THOP1: variants seen among roughly 807,000 people sequenced by gnomAD.
THOP1 encodes thimet oligopeptidase 1.
A neutral mutation model predicts 71.8 loss-of-function variants in THOP1; 49 were observed. That is an observed-to-expected ratio of 0.68 (90% CI 0.54 to 0.87). The LOEUF (loss-of-function observed/expected upper bound fraction) is 0.87, where lower values mean the gene tolerates loss of function less well. Ranked by LOEUF, THOP1 falls within the 40% of genes least tolerant of loss-of-function variation. The pLI is 0.00. For missense variants in THOP1, 843 were observed against 975.6 expected, an observed-to-expected ratio of 0.86 and a Z score of 1.81; for synonymous variants, 426 against 421.5, an observed-to-expected ratio of 1.01 and a Z score of -0.13.
chr19:2,796,183 C>T lies in THOP1; in HGVS notation c.481C>T (p.Gln161Ter). 6.2e-7 allele frequency: 1 copy of T among 1,612,304 alleles called. No individual in the cohort carries two copies. Among genetic ancestry groups the T allele is most frequent in the Non-Finnish European group, 8.5e-7 (1 of 1,179,142 alleles). ...TGGGCTTCACCTCCCCAGAGAGACT[C>T]AGGAAGTGAGTGCTGGGTGTAGGGA... ...RNGLHLPRET[Q>*]ENIKRIKKKL... The change falls in exon 4 of 13, where the codon CAG (glutamine) becomes TAG (stop). Residue 161 changes from glutamine (Q) to a stop codon, truncating the protein, a stop_gained. Coordinates refer to ENST00000307741, the MANE Select transcript of THOP1 (RefSeq NM_003249.5). LOFTEE classifies it high-confidence loss of function.
intron 11 of THOP1, among the ~76,000 whole-genome samples, 159 bp downstream of exon 11, chr19:2,810,927 G>A (rs1916447121): frequency 6.6e-6 from 1 of 152,372 alleles, no homozygotes; most frequent in Admixed American, 6.5e-5. Context: ...GACAGCCCCA[G>A]CTGAGATGCA....
chr19:2,810,054 C>T (rs757408065), intron 9 of THOP1: 53 of 558,494 alleles, frequency 9.5e-5, no homozygotes, highest in East Asian at 4.2e-4. Context: ...AGAGGAGAAG[C>T]GTGGGTGGCC....
At position 2,806,732 on chromosome 19, in the gene THOP1, C is replaced by T. The variant is rs1244897727; in HGVS notation, c.751-185C>T. ...GCACCCCTTCTGGTTCCAAAAAGGCCTTGGGATTATGATAACGCTGGTGGC... is the reference window on the plus strand; with the variant it reads ...GCACCCCTTCTGGTTCCAAAAAGGCTTTGGGATTATGATAACGCTGGTGGC... On this transcript the variant is annotated intron_variant, in intron 6 of 12. Coordinates refer to ENST00000307741, the MANE Select transcript of THOP1 (RefSeq NM_003249.5). 8.7e-6 allele frequency: 9 copies of T among 1,035,800 alleles called. No homozygotes were observed. The East Asian group carries it at 2.1e-4, about 24-fold the overall frequency. The allele number at this position is 1,035,800 out of a possible 1,614,324, so 64.2% of individuals were successfully genotyped here. A position where few individuals can be genotyped will look rare whatever the true frequency, so the allele number is the denominator to read the frequency against.
Position 2,807,019 on chromosome 19 carries a change from G to A in THOP1, c.853G>A (p.Ala285Thr), listed in dbSNP as rs1916309437. The A allele has an allele frequency of 6.2e-7, 1 of 1,611,740 alleles. No individual in the cohort carries two copies. The highest frequency in any genetic ancestry group is 8.5e-7 in the Non-Finnish European group (1 of 1,179,318). Residue 285 changes from alanine to threonine, a missense_variant, in exon 7 of 13, where the codon GCC becomes ACC. Transcript: ENST00000307741. ...HADYVLEMNM[A>T]KTSQTVATFL... Reference sequence around the variant, plus strand: ...CGACTATGTCCTGGAGATGAACATGGCCAAGACCAGCCAGACCGTGGCCAC... The same window carrying A: ...CGACTATGTCCTGGAGATGAACATGACCAAGACCAGCCAGACCGTGGCCAC...
chr19:2,795,728 G>A (rs572565464), intron 3 of THOP1, among the ~76,000 whole-genome samples: 4 of 152,254 alleles, frequency 2.6e-5, no homozygotes, highest in East Asian at 3.9e-4. Flanking sequence ...GGAAAGAATC[G>A]AATGCCTTTG....
chr19:2,797,034 A>G (rs1304445887), intron 4 of THOP1, among the ~76,000 whole-genome samples: 1 of 152,198 alleles, frequency 6.6e-6, no homozygotes, highest in Admixed American at 6.5e-5. Flanking sequence ...TGCGTGTCAC[A>G]GTTCCCAGGA....
Position 2,810,454 on chromosome 19 carries a change from C to T in THOP1, c.1606C>T (p.Leu536=). ...RTGSAVPREL[L]EKLIESRQAN... ...AGGCAGCGCCGTGCCCCGGGAGCTCCTGGAGAAGCTCATTGAGTCCCGGCA... is the reference window on the plus strand; with the variant it reads ...AGGCAGCGCCGTGCCCCGGGAGCTCTTGGAGAAGCTCATTGAGTCCCGGCA... The change falls in exon 10 of 13, where the codon CTG becomes TTG. Residue 536 remains leucine, a synonymous_variant. Transcript: ENST00000307741. 2.5e-6 allele frequency: 4 copies of T among 1,579,608 alleles called. No homozygotes were observed. The highest frequency in any genetic ancestry group is 2.6e-6 in the Non-Finnish European group (3 of 1,164,882).
Position 2,808,328 on chromosome 19 carries a change from G to T in THOP1, c.1339G>T (p.Ala447Ser). Residue 447 changes from alanine to serine, a missense_variant, in exon 9 of 13, where the codon GCC (alanine) becomes TCC (serine). By Grantham distance (99) the Ala-to-Ser change is moderately conservative. Coordinates refer to ENST00000307741, the MANE Select transcript of THOP1 (RefSeq NM_003249.5). The part of the protein sequence containing the change: ...QDGSRQIAIA[A>S]MVANFTKPTA... ...TGGGAGCCGCCAGATCGCCATCGCGGCCATGGTGGCCAACTTCACCAAGCC... is the reference window on the plus strand; with the variant it reads ...TGGGAGCCGCCAGATCGCCATCGCGTCCATGGTGGCCAACTTCACCAAGCC... 6.3e-7 allele frequency: 1 copy of T among 1,599,738 alleles called. No individual in the cohort carries two copies. Among genetic ancestry groups the T allele is most frequent in the South Asian group, 1.1e-5 (1 of 89,352 alleles).
In THOP1 at chr19:2,807,491, G is replaced by A. The variant is rs1916325575; in HGVS notation, c.936G>A (p.Val312=). The change falls in exon 8 of 13, where the codon GTG becomes GTA. Residue 312 remains valine, a synonymous_variant. Coordinates refer to ENST00000307741, the MANE Select transcript of THOP1 (RefSeq NM_003249.5). ...LKPLGEQERA[V]ILELKRAECE... is the part of the protein sequence containing the mutation. ...CCCTGGGGGAGCAGGAGCGTGCGGT[G>A]ATTCTGGAGCTGAAGCGTGCGGAGT... 1 of 1,610,054 alleles carries A rather than the reference G, an allele frequency of 6.2e-7. No individual in the cohort carries two copies. The highest frequency in any genetic ancestry group is 8.5e-7 in the Non-Finnish European group (1 of 1,178,852).
At chr19:2,808,105 TC>T in intron 8 of THOP1, 137 bp from the exon 9 acceptor site, 1 of 1,046,402 alleles carries the variant, frequency 9.6e-7, no homozygotes, top group South Asian at 1.5e-5. Flanking sequence ...CCAAGCCACC[TC>T]TGCTGAGAGG....
At chr19:2,807,974 A>G in intron 8 of THOP1, 166 bp downstream of exon 8, 2 of 881,652 alleles carry the variant, frequency 2.3e-6, no homozygotes, top group East Asian at 2.9e-5. Flanking sequence ...CCGAAAATGC[A>G]GCTGTCCCCG....
chr19:2,809,128 A>G (rs973843375), intron 9 of THOP1, among the ~76,000 whole-genome samples: 4 of 152,208 alleles, frequency 2.6e-5, no homozygotes, highest in Non-Finnish European at 5.9e-5. Flanking sequence ...CTGTCCCTCC[A>G]AGGGGACCCT....
chr19:2,803,085 G>A (rs1916195951), intron 5 of THOP1, among the ~76,000 whole-genome samples: 1 of 152,184 alleles, frequency 6.6e-6, no homozygotes, highest in African/African-American at 2.4e-5. Context: ...TGTTGGACAT[G>A]TGATGTCGCA....
At chr19:2,807,261 C>T (rs1052969569) in intron 7 of THOP1, among the ~76,000 whole-genome samples, 181 bp from the exon 8 acceptor site, 18 of 152,190 alleles carry the variant, frequency 1.2e-4, no homozygotes, top group African/African-American at 4.1e-4. Context: ...ATGCTTGCAC[C>T]CGGCCCCGCC....
chr19:2,794,817 C>T lies in THOP1; in HGVS notation c.283C>T (p.Arg95Trp), dbSNP rs764098478. Residue 95 changes from arginine (R) to tryptophan (W), a missense_variant, in exon 3 of 13, where the codon CGG becomes TGG. Coordinates refer to ENST00000307741, the MANE Select transcript of THOP1 (RefSeq NM_003249.5). ...PQHVSPSKDI[R>W]TASTEADKKL... ...GCATGTTTCCCCCTCCAAGGACATC[C>T]GGACAGCCAGCACAGAGGCCGACAA... The T allele has an allele frequency of 1.5e-5, 24 of 1,613,982 alleles. No individual in the cohort carries two copies. Among genetic ancestry groups the T allele is most frequent in the Admixed American group, 1.7e-5 (1 of 60,016 alleles).
chr19:2,800,756 T>C (rs967422890), intron 5 of THOP1, among the ~76,000 whole-genome samples: 18 of 152,076 alleles, frequency 1.2e-4, no homozygotes, highest in African/African-American at 3.4e-4. Context: ...GACGACGGGC[T>C]ACAATCTGCC....
intron 7 of THOP1, 133 bp from the exon 8 acceptor site, chr19:2,807,309 G>A (rs1025788431): frequency 1.7e-5 from 23 of 1,390,382 alleles, no homozygotes; most frequent in South Asian, 3.0e-5. Context: ...TCGGCCCCTC[G>A]AGGGGTTGCC....
chr19:2,807,859 C>G (rs537752549), intron 8 of THOP1, 51 bp downstream of exon 8: 3 of 1,420,540 alleles, frequency 2.1e-6, no homozygotes, highest in Non-Finnish European at 2.8e-6. Flanking sequence ...TGGGTCTCCT[C>G]GGAGCCCGGT....
intron 5 of THOP1, among the ~76,000 whole-genome samples, chr19:2,800,131 A>G (rs941807711): frequency 2.0e-5 from 3 of 152,216 alleles, no homozygotes; most frequent in Non-Finnish European, 2.9e-5. Context: ...TGAGGGAACC[A>G]CAATTTTCCC....
Sources: allele counts gnomAD v4.1 joint callset (sites outside exome capture counted in the v4.1 genomes callset), GRCh38; gene constraint gnomAD v4.1.1; transcripts MANE v1.5; gene names NCBI Gene and HGNC (gene_info 2026-07-23, HGNC 2026-07-21).